Variants in MYO3B observed in about 807,000 individuals in gnomAD.
MYO3B encodes myosin-IIIb.
Under a neutral mutation model 174.6 loss-of-function variants are expected in MYO3B, and 156 were observed. The ratio of observed to expected loss-of-function variants is 0.89; its 90% CI spans 0.78 to 1.02. The LOEUF is 1.02. Ranked by LOEUF, MYO3B falls within the 50% of genes least tolerant of loss-of-function variation. MYO3B has a pLI of 0.00. For missense variants in MYO3B, 1,632 were observed against 1,639.4 expected (o/e 1.00, Z 0.08); for synonymous variants, 563 against 569.1 (o/e 0.99, Z 0.15).
At chr2:170,502,544 G>A (rs932544099) in intron 28 of MYO3B, among the ~76,000 whole-genome samples, 5 of 152,156 alleles carry the variant, frequency 3.3e-5, no homozygotes, top group Admixed American at 2.0e-4. Context: ...TGACTCATCC[G>A]TCCCCTCTCT....
intron 32 of MYO3B, among the ~76,000 whole-genome samples, chr2:170,617,132 G>T (rs7556868): frequency 0.65 from 98,889 of 152,038 alleles, 32,602 homozygotes; most frequent in African/African-American, 0.77. Context: ...TTGAATAGAT[G>T]GACGTAATGC....
chr2:170,198,111 G>A (rs2092620279), intron 1 of MYO3B, among the ~76,000 whole-genome samples: 1 of 36,788 alleles, frequency 2.7e-5, no homozygotes, highest in Non-Finnish European at 4.5e-5. Context: ...TTCTCCTTTG[G>A]GTTTTTTTTT....
At chr2:170,392,567 C>T (rs1358152741) in intron 16 of MYO3B, 72 bp downstream of exon 16, 3 of 1,022,770 alleles carry the variant, frequency 2.9e-6, no homozygotes, top group African/African-American at 3.3e-5. Flanking sequence ...TGTGGTATTT[C>T]TCACTTGGGA....
At chr2:170,358,448 A>AT (rs2094138551) in intron 8 of MYO3B, among the ~76,000 whole-genome samples, 1 of 152,108 alleles carries the variant, frequency 6.6e-6, no homozygotes, top group African/African-American at 2.4e-5. Context: ...TAGGGTGTGA[A>AT]TGCTAATGGA....
At chr2:170,446,236 G>C (rs2094841690) in intron 23 of MYO3B, among the ~76,000 whole-genome samples, 1 of 152,116 alleles carries the variant, frequency 6.6e-6, no homozygotes, top group Non-Finnish European at 1.5e-5. Context: ...TTGTCTTTGT[G>C]GTTTTTTGGA....
At chr2:170,585,386 A>G (rs1263321517) in intron 32 of MYO3B, among the ~76,000 whole-genome samples, 1 of 152,048 alleles carries the variant, frequency 6.6e-6, no homozygotes, top group East Asian at 1.9e-4. Context: ...CAAAAAAAGT[A>G]TCAGTTCTTA....
At chr2:170,459,325 C>T (rs1684109693) in intron 23 of MYO3B, among the ~76,000 whole-genome samples, 1 of 152,166 alleles carries the variant, frequency 6.6e-6, no homozygotes, top group African/African-American at 2.4e-5. Flanking sequence ...TCTGTTTTGA[C>T]AGGGTGCTGA....
chr2:170,388,865 G>A (rs2094393685), intron 14 of MYO3B, among the ~76,000 whole-genome samples: 1 of 152,024 alleles, frequency 6.6e-6, no homozygotes. Flanking sequence ...AGTAGGGACT[G>A]GCATGAACAT....
chr2:170,599,423 C>T (rs993551135), intron 32 of MYO3B, among the ~76,000 whole-genome samples: 1 of 152,192 alleles, frequency 6.6e-6, no homozygotes, highest in Non-Finnish European at 1.5e-5. Context: ...TCAAATATAG[C>T]TGTTACAAGT....
At chr2:170,529,857 A>G in intron 30 of MYO3B, among the ~76,000 whole-genome samples, 1 of 152,224 alleles carries the variant, frequency 6.6e-6, no homozygotes, top group East Asian at 1.9e-4. Context: ...TTGAAAGAAG[A>G]TTAACTTTGT....
chr2:170,495,417 G>A (rs1686802108), intron 25 of MYO3B, among the ~76,000 whole-genome samples: 1 of 152,086 alleles, frequency 6.6e-6, no homozygotes, highest in Admixed American at 6.5e-5. Flanking sequence ...AAAACTGCCT[G>A]TTTACATATA....
intron 22 of MYO3B, among the ~76,000 whole-genome samples, chr2:170,411,091 C>A (rs1233328295): frequency 6.6e-6 from 1 of 152,196 alleles, no homozygotes. Context: ...GGATTCCTGA[C>A]AGTTAACTTG....
At chr2:170,396,117 T>G (rs1384718461) in intron 16 of MYO3B, among the ~76,000 whole-genome samples, 1 of 152,172 alleles carries the variant, frequency 6.6e-6, no homozygotes, top group African/African-American at 2.4e-5. Context: ...TCTTCTTGAG[T>G]AAAGCTATTC....
chr2:170,392,342 C>A lies in MYO3B; in HGVS notation c.1677-39C>A. 2.1e-6 allele frequency: 3 copies of A among 1,418,408 alleles called. No individual in the cohort carries two copies. The South Asian group carries it at 3.9e-5, about 19-fold the overall frequency. 87.9% of individuals were successfully genotyped at this position (1,418,408 alleles called of 1,614,324 possible). On this transcript the variant is annotated intron_variant, in intron 15 of 34. Transcript: ENST00000408978. ...GAAATGCCTGTACTACTTTCCAAGT[C>A]AGTGCTCATTCTGTTTGGTCATGCT...
Position 170,312,390 on chromosome 2 carries a change from T to A in MYO3B, c.750-22995T>A, listed in dbSNP as rs531790602. On this transcript the variant is annotated intron_variant, in intron 7 of 34. Transcript: ENST00000408978. ...GCACTGAGTGTGAGAATGGCTCCCC[T>A]AATATTTAGTACAGCTCCTGGCTTT... is the stretch of plus-strand genomic sequence containing the variant. 1.0e-3 allele frequency among the ~76,000 whole-genome samples: 159 copies of A among 152,390 alleles called. 2 individuals carry two copies. Among genetic ancestry groups the A allele is most frequent in the African/African-American group, 3.5e-3 (146 of 41,598 alleles).
rs370816094 is a variant in MYO3B at position 170,401,638 on chromosome 2, C to T, written c.2076C>T (p.Phe692=). The part of the protein sequence containing the change: ...AMSKALYGRL[F]SWIVNRINTL... Reference sequence around the variant, plus strand: ...CCAAAGCCCTGTATGGGAGGCTCTTCAGCTGGATTGTGAATCGCATTAATA... The same window carrying T: ...CCAAAGCCCTGTATGGGAGGCTCTTTAGCTGGATTGTGAATCGCATTAATA... Residue 692 remains phenylalanine, a synonymous_variant, in exon 18 of 35, where the codon TTC becomes TTT. Coordinates refer to ENST00000408978, the MANE Select transcript of MYO3B (RefSeq NM_138995.5). 1.9e-6 allele frequency: 3 copies of T among 1,614,006 alleles called. No individual in the cohort carries two copies. The African/African-American group carries it at 4.0e-5, about 22-fold the overall frequency.
rs192128603 is a variant in MYO3B at position 170,276,883 on chromosome 2, A to G, written c.749+40747A>G. On this transcript the variant is annotated intron_variant, in intron 7 of 34. Transcript: ENST00000408978. ...ATCATCATTCTCATTTCTGGTTTCT[A>G]TATAGTCTAAAAGGCAAGGATAGTT... Among the ~76,000 whole-genome samples the G allele has an allele frequency of 1.5e-3, 222 of 152,254 alleles. 1 individual carries two copies. The highest frequency in any genetic ancestry group is 4.6e-3 in the African/African-American group (189 of 41,534).
intron 32 of MYO3B, among the ~76,000 whole-genome samples, chr2:170,593,067 C>T (rs544860118): frequency 6.6e-6 from 1 of 152,138 alleles, no homozygotes; most frequent in African/African-American, 2.4e-5. Context: ...ATAGATCTGT[C>T]TGTCTATAGC....
At chr2:170,207,311 G>C (rs777159299) in intron 3 of MYO3B, among the ~76,000 whole-genome samples, 6 of 152,154 alleles carry the variant, frequency 3.9e-5, no homozygotes, top group African/African-American at 9.7e-5. Context: ...ATCATCCGAG[G>C]CTCCAGTTGC....
Sources: gnomAD v4.1 joint callset for allele counts (sites outside exome capture counted in the v4.1 genomes callset) on GRCh38, gnomAD v4.1.1 for gene constraint, MANE v1.5 for transcripts, NCBI Gene and HGNC (gene_info 2026-07-23, HGNC 2026-07-21) for gene names.